The following SLC25A14 variants were observed in gnomAD, a reference collection of about 807,000 sequenced individuals.
The protein encoded by SLC25A14 is brain mitochondrial carrier protein 1.
A neutral mutation model predicts 28.1 loss-of-function variants in SLC25A14; 8 were observed. The ratio of observed to expected loss-of-function variants is 0.28; its 90% CI spans 0.17 to 0.51. The LOEUF (loss-of-function observed/expected upper bound fraction) is 0.51, where lower values mean the gene tolerates loss of function less well. Ranked by LOEUF, SLC25A14 falls within the 20% of genes least tolerant of loss-of-function variation. The pLI, the probability that SLC25A14 is intolerant of heterozygous loss-of-function variation, is 0.97. For synonymous variants in SLC25A14, 74 were observed against 90.6 expected, an observed-to-expected ratio of 0.82 and a Z score of 1.04; for missense variants, 135 against 263.8, an observed-to-expected ratio of 0.51 and a Z score of 3.38.
chrX:130,351,787 A>G (rs1440886632), intron 6 of SLC25A14, among the ~76,000 whole-genome samples: 1 of 111,822 alleles, frequency 8.9e-6, no homozygotes, highest in African/African-American at 3.2e-5. Flanking sequence ...ACAGAGAGAA[A>G]GACATGAAAA....
intron 2 of SLC25A14, among the ~76,000 whole-genome samples, chrX:130,343,846 C>G (rs140209640): frequency 8.9e-6 from 1 of 111,792 alleles, no homozygotes; most frequent in Non-Finnish European, 1.9e-5. Context: ...TCACAACAAC[C>G]CTATGATATA....
intron 7 of SLC25A14, among the ~76,000 whole-genome samples, chrX:130,360,734 GA>G (rs1222835134): frequency 8.9e-6 from 1 of 111,937 alleles, no homozygotes; most frequent in Non-Finnish European, 1.9e-5. Flanking sequence ...GGAATAAATA[GA>G]ATTGGAGATT....
chrX:130,364,625 T>C lies in SLC25A14; in HGVS notation c.595-3T>C. On this transcript the variant is annotated splice_region_variant and splice_polypyrimidine_tract_variant and intron_variant, in intron 7 of 10. Coordinates refer to ENST00000545805, the MANE Select transcript of SLC25A14 (RefSeq NM_001282195.2). Reference sequence around the variant, plus strand: ...GGTGCCTAATGTCACTTGTGTTTCGTAGGGTGTGGTTCCAACTGCTCAGCG... The same window carrying C: ...GGTGCCTAATGTCACTTGTGTTTCGCAGGGTGTGGTTCCAACTGCTCAGCG... 1 of 1,201,982 alleles carries C rather than the reference T, an allele frequency of 8.3e-7. No homozygotes were observed. The highest frequency in any genetic ancestry group is 1.1e-6 in the Non-Finnish European group (1 of 887,478).
intron 6 of SLC25A14, among the ~76,000 whole-genome samples, chrX:130,356,925 G>A (rs2033811899): frequency 9.0e-6 from 1 of 111,723 alleles, no homozygotes; most frequent in African/African-American, 3.3e-5. Context: ...ACTCTAGTGT[G>A]TACCCCACTC....
chrX:130,358,924 A>G (rs1450452310), intron 7 of SLC25A14, 189 bp downstream of exon 7: 2 of 744,464 alleles, frequency 2.7e-6, no homozygotes, highest in Admixed American at 2.7e-5. Context: ...TGGGGATTAT[A>G]TAGGTGGGGA....
rs373164615 is a variant in SLC25A14 at position 130,345,179 on chromosome X, T to C, written c.76-3T>C. 1.4e-5 allele frequency: 16 copies of C among 1,163,268 alleles called. No homozygotes were observed. The African/African-American group carries it at 1.6e-4, about 12-fold the overall frequency. ...CCTTGTTCTGATTTGTGTTTATTTT[T>C]AGCACCAGAAAAGTACCACTGTAAG... is the stretch of plus-strand genomic sequence containing the variant. On this transcript the variant is annotated splice_region_variant and splice_polypyrimidine_tract_variant and intron_variant, in intron 2 of 10. Transcript: ENST00000545805.
At chrX:130,370,049 A>G (rs760624903) in intron 9 of SLC25A14, among the ~76,000 whole-genome samples, 1 of 112,010 alleles carries the variant, frequency 8.9e-6, no homozygotes, top group Non-Finnish European at 1.9e-5. Flanking sequence ...CTTGTCATTT[A>G]ACAGTCTAGG....
chrX:130,362,454 A>T (rs1344044190), intron 7 of SLC25A14, among the ~76,000 whole-genome samples: 1 of 110,959 alleles, frequency 9.0e-6, no homozygotes, highest in South Asian at 3.8e-4. Context: ...TGTTATTTTC[A>T]ATTTTAACTG....
chrX:130,357,762 G>A (rs1603262325), intron 6 of SLC25A14, among the ~76,000 whole-genome samples: 2 of 111,845 alleles, frequency 1.8e-5, no homozygotes, highest in East Asian at 5.6e-4. Context: ...TACTAGGATT[G>A]TATGTGTGCA....
At chrX:130,366,100 A>G (rs2034109651) in intron 9 of SLC25A14, among the ~76,000 whole-genome samples, 1 of 112,338 alleles carries the variant, frequency 8.9e-6, no homozygotes, top group African/African-American at 3.2e-5. Flanking sequence ...GTTTGTGGGA[A>G]CTGAATATTC....
At chrX:130,367,940 G>A (rs907148048) in intron 9 of SLC25A14, among the ~76,000 whole-genome samples, 1 of 112,173 alleles carries the variant, frequency 8.9e-6, no homozygotes, top group Non-Finnish European at 1.9e-5. Context: ...CCGCCACTAC[G>A]CCTGGCTTAT....
At chrX:130,355,476 A>G (rs1274258782) in intron 6 of SLC25A14, among the ~76,000 whole-genome samples, 1 of 112,319 alleles carries the variant, frequency 8.9e-6, no homozygotes, top group Non-Finnish European at 1.9e-5. Context: ...AGATTTTGCT[A>G]CATGTGCTTT....
At chrX:130,366,369 T>G (rs1329832773) in intron 9 of SLC25A14, among the ~76,000 whole-genome samples, 1 of 112,521 alleles carries the variant, frequency 8.9e-6, no homozygotes. Flanking sequence ...AGGCTCCCTG[T>G]AGATGGTGGC....
In SLC25A14 at chrX:130,340,102, C is replaced by T; in HGVS notation, c.-172-5C>T. ...AACGGTCCTCTGGTCTCTCTCTCCC[C>T]TCAGCTGAGTCCCTTCCCTGTCTTT... On this transcript the variant is annotated splice_region_variant and splice_polypyrimidine_tract_variant and intron_variant, in intron 1 of 10. Coordinates refer to ENST00000545805, the MANE Select transcript of SLC25A14 (RefSeq NM_001282195.2). 9.3e-7 allele frequency: 1 copy of T among 1,080,499 alleles called. No homozygotes were observed. The allele number at this position is 1,080,499 out of a possible 1,213,427, so 89.0% of individuals were successfully genotyped here. A position where few individuals can be genotyped will look rare whatever the true frequency, so the allele number is the denominator to read the frequency against.
intron 6 of SLC25A14, among the ~76,000 whole-genome samples, chrX:130,354,046 C>T (rs1328391147): frequency 1.8e-5 from 2 of 109,139 alleles, no homozygotes; most frequent in East Asian, 5.7e-4. Context: ...AAGGTTCCAT[C>T]TTTAGCTCTT....
intron 2 of SLC25A14, among the ~76,000 whole-genome samples, chrX:130,341,921 G>A (rs2033273240): frequency 9.0e-6 from 1 of 111,626 alleles, no homozygotes; most frequent in Non-Finnish European, 1.9e-5. Context: ...TCATACACAG[G>A]GTGTGTAGCA....
At chrX:130,344,142 GA>G (rs1318848032) in intron 2 of SLC25A14, among the ~76,000 whole-genome samples, 2 of 112,589 alleles carry the variant, frequency 1.8e-5, no homozygotes, top group Non-Finnish European at 3.8e-5. Flanking sequence ...GATGGACCAG[GA>G]TTTAGTAGGC....
At chrX:130,343,204 G>C (rs1270690133) in intron 2 of SLC25A14, among the ~76,000 whole-genome samples, 2 of 111,878 alleles carry the variant, frequency 1.8e-5, no homozygotes. Flanking sequence ...GACTATTTGG[G>C]GCAATCGATA....
At chrX:130,370,477 G>A (rs1387993916) in intron 9 of SLC25A14, among the ~76,000 whole-genome samples, 1 of 111,765 alleles carries the variant, frequency 8.9e-6, no homozygotes, top group Non-Finnish European at 1.9e-5. Flanking sequence ...GCTAAATTCA[G>A]CACGTGCCAC....
Sources: allele counts gnomAD v4.1 joint callset (sites outside exome capture counted in the v4.1 genomes callset), GRCh38; gene constraint gnomAD v4.1.1; transcripts MANE v1.5; gene names NCBI Gene and HGNC (gene_info 2026-07-23, HGNC 2026-07-21).